Variants in RAD17 observed in about 807,000 individuals in gnomAD.
RAD17 encodes the protein cell cycle checkpoint protein RAD17.
RAD17 carries 31 observed loss-of-function variants against 81.5 expected under a neutral mutation model. That is an observed-to-expected ratio of 0.38 (90% CI 0.29 to 0.51). RAD17 has a LOEUF of 0.51. Among genes scored for constraint, RAD17 ranks in the 20% least tolerant of loss-of-function variants. The pLI is 0.88. For synonymous variants in RAD17, 261 were observed against 266.2 expected, an observed-to-expected ratio of 0.98 and a Z score of 0.19; for missense variants, 681 against 781.2, an observed-to-expected ratio of 0.87 and a Z score of 1.53.
upstream of RAD17, chr5:69,369,463 C>A: frequency 6.2e-7 from 1 of 1,610,758 alleles, no homozygotes; most frequent in Non-Finnish European, 8.5e-7. Flanking sequence ...GCGCCCTGAC[C>A]GGTGAGCAGG....
intron 17 of RAD17, among the ~76,000 whole-genome samples, chr5:69,402,721 TTCAC>T (rs1194304307): frequency 6.6e-6 from 1 of 152,110 alleles, no homozygotes; most frequent in Non-Finnish European, 1.5e-5. Flanking sequence ...TTGTATATCC[TTCAC>T]TAAGTTTCCT....
chr5:69,376,143 T>C (rs1763320009), intron 6 of RAD17, among the ~76,000 whole-genome samples: 1 of 152,172 alleles, frequency 6.6e-6, no homozygotes, highest in African/African-American at 2.4e-5. Flanking sequence ...GGTCACTAGA[T>C]CAAAGAGATG....
At chr5:69,369,551 G>T, upstream of RAD17, 1 of 1,609,548 alleles carries the variant, frequency 6.2e-7, no homozygotes, top group Non-Finnish European at 8.5e-7. Flanking sequence ...ACAGGGAGGA[G>T]CCGGAAGGGG....
intron 6 of RAD17, among the ~76,000 whole-genome samples, chr5:69,377,437 G>GTATATATA (rs1229779615): frequency 2.7e-4 from 7 of 25,760 alleles, no homozygotes; most frequent in African/African-American, 6.5e-4. Context: ...GTGTGTGTGT[G>GTATATATA]TGTATATATA....
intron 11 of RAD17, among the ~76,000 whole-genome samples, chr5:69,387,658 G>C (rs1764297871): frequency 6.6e-6 from 1 of 152,144 alleles, no homozygotes; most frequent in Non-Finnish European, 1.5e-5. Flanking sequence ...AGGAGTTCAT[G>C]ACCAGCCTGG....
rs191479610 is a variant in RAD17, at chr5:69,385,109, G to A, written c.645+176G>A. 9.3e-3 allele frequency among the ~76,000 whole-genome samples: 1,403 copies of A among 151,384 alleles called. 5 individuals carry two copies. Among genetic ancestry groups the A allele is most frequent in the Non-Finnish European group, 0.013 (904 of 67,870 alleles). On this transcript the variant is annotated intron_variant, in intron 8 of 18. Coordinates refer to ENST00000354868, the MANE Select transcript of RAD17 (RefSeq NM_133338.3). ...GGAGTAGCTGGGACTACAGGCGCCCGCCACCACGCCCGGCTAATTTTTTGT... is the reference window on the plus strand; with the variant it reads ...GGAGTAGCTGGGACTACAGGCGCCCACCACCACGCCCGGCTAATTTTTTGT...
intron 17 of RAD17, among the ~76,000 whole-genome samples, chr5:69,401,922 T>G (rs1166996302): frequency 1.5e-5 from 2 of 130,732 alleles, no homozygotes; most frequent in African/African-American, 5.8e-5. Context: ...GAGAATGGCA[T>G]GAACCTGGGA....
intron 6 of RAD17, among the ~76,000 whole-genome samples, chr5:69,378,751 G>A (rs1179286495): frequency 6.6e-6 from 1 of 152,170 alleles, no homozygotes; most frequent in Admixed American, 6.5e-5. Context: ...TGGGAAATGT[G>A]TCATTAGGTG....
At chr5:69,399,374 G>T (rs1426440133) in intron 16 of RAD17, among the ~76,000 whole-genome samples, 1 of 152,138 alleles carries the variant, frequency 6.6e-6, no homozygotes, top group African/African-American at 2.4e-5. Context: ...TCCCCAGCTG[G>T]TTCATTCACT....
chr5:69,375,737 G>A (rs1251572163), intron 6 of RAD17, among the ~76,000 whole-genome samples: 1 of 151,774 alleles, frequency 6.6e-6, no homozygotes, highest in Non-Finnish European at 1.5e-5. Flanking sequence ...TCATATTCAC[G>A]TTTCTGCATT....
chr5:69,384,461 C>T (rs183699086), intron 7 of RAD17, among the ~76,000 whole-genome samples: 167 of 152,148 alleles, frequency 1.1e-3, no homozygotes, highest in Non-Finnish European at 2.2e-3. Flanking sequence ...ACTACAGGCA[C>T]AAGCCTCCAC....
chr5:69,392,059 C>G lies in RAD17; in HGVS notation c.1189+46C>G, dbSNP rs554472464. The G allele has an allele frequency of 1.2e-5, 17 of 1,360,394 alleles. 1 individual carries two copies. The South Asian group carries it at 2.5e-4, about 20-fold the overall frequency. The allele number at this position is 1,360,394 out of a possible 1,614,324, so 84.3% of individuals were successfully genotyped here. A position where few individuals can be genotyped will look rare whatever the true frequency, so the allele number is the denominator to read the frequency against. ...TAAAATCTGTTGGATATCACATAGTCTTAAAATGGAAATAAAATGTCACTT... is the reference window on the plus strand; with the variant it reads ...TAAAATCTGTTGGATATCACATAGTGTTAAAATGGAAATAAAATGTCACTT... On this transcript the variant is annotated intron_variant, in intron 13 of 18. Transcript: ENST00000354868.
At chr5:69,369,813 A>C (rs1417783259), upstream of RAD17, 9 of 1,126,168 alleles carry the variant, frequency 8.0e-6, no homozygotes, top group East Asian at 1.9e-4. Context: ...GGTCCCCGGG[A>C]GGCCGTACCT....
intron 2 of RAD17, 114 bp downstream of exon 2, chr5:69,371,285 A>G: frequency 2.0e-6 from 1 of 510,846 alleles, no homozygotes; most frequent in South Asian, 2.4e-5. Context: ...TATAGTCATT[A>G]AAATTATTTT....
At chr5:69,381,401 A>G (rs1221821591) in intron 6 of RAD17, among the ~76,000 whole-genome samples, 1 of 152,036 alleles carries the variant, frequency 6.6e-6, no homozygotes, top group Non-Finnish European at 1.5e-5. Flanking sequence ...GAATGGCGTG[A>G]ACCCGGGAGG....
intron 16 of RAD17, 91 bp downstream of exon 16, chr5:69,396,637 TAAC>T (rs1764912454): frequency 1.6e-6 from 2 of 1,250,202 alleles, no homozygotes; most frequent in Non-Finnish European, 2.1e-6. Context: ...CTTTAAAACA[TAAC>T]AAAGGAAAAA....
rs1248614707 is a variant in RAD17, at chr5:69,386,211, A to G, written c.730A>G (p.Ile244Val). Residue 244 changes from isoleucine to valine, a missense_variant, in exon 10 of 19, where the codon ATA becomes GTA. Transcript: ENST00000354868. ...KYVRIGRCPL[I>V]FIISDSLSGD... ...TGTGAGGATTGGTCGATGTCCTCTT[A>G]TATTTATAATCTCGGACAGTCTCAG... 6.2e-7 allele frequency: 1 copy of G among 1,607,814 alleles called. No individual in the cohort carries two copies. The highest frequency in any genetic ancestry group is 1.7e-5 in the Admixed American group (1 of 59,588).
intron 15 of RAD17, among the ~76,000 whole-genome samples, chr5:69,394,321 C>A (rs559404685): frequency 6.6e-6 from 1 of 151,918 alleles, no homozygotes; most frequent in South Asian, 2.1e-4. Context: ...CCTGGCCTCT[C>A]AAAAGTGCTG....
chr5:69,404,769 CAA>C (rs35403077), intron 17 of RAD17, among the ~76,000 whole-genome samples: 97 of 142,752 alleles, frequency 6.8e-4, no homozygotes, highest in Non-Finnish European at 6.1e-4. Context: ...AATTCTGTTT[CAA>C]AAAAAAAAAA....
Sources: allele counts gnomAD v4.1 joint callset (sites outside exome capture counted in the v4.1 genomes callset), GRCh38; gene constraint gnomAD v4.1.1; transcripts MANE v1.5; gene names NCBI Gene and HGNC (gene_info 2026-07-23, HGNC 2026-07-21).